Variants in LRRC37A2 observed in about 807,000 individuals in gnomAD.
LRRC37A2 encodes the protein leucine-rich repeat-containing protein 37A2.
Under a neutral mutation model 68.8 loss-of-function variants are expected in LRRC37A2, and 9 were observed. The observed-to-expected ratio is 0.13, with a 90% CI of 0.08 to 0.23. LRRC37A2 has a LOEUF of 0.23. LRRC37A2 is among the 10% of genes least tolerant of loss of function. The probability of loss-of-function intolerance (pLI) is 1.00; values close to 1 mark genes in which losing one functional copy is unlikely to be tolerated. For missense variants in LRRC37A2, 168 were observed against 950.4 expected (o/e 0.18, Z 10.82); for synonymous variants, 63 against 367.6 (o/e 0.17, Z 9.48).
At chr17:46,868,133 C>T in the LRRC37A2 span, among the ~76,000 whole-genome samples, 1 of 152,088 alleles carries the variant, frequency 6.6e-6, no homozygotes, top group Admixed American at 6.5e-5. Context: ...AGTGGTGGCC[C>T]CAGGAGGCTC....
At chr17:46,543,787 G>A (rs1317132767) in intron 8 of LRRC37A2, among the ~76,000 whole-genome samples, 1 of 150,780 alleles carries the variant, frequency 6.6e-6, no homozygotes, top group Non-Finnish European at 1.5e-5. Context: ...AGGCTTAAAG[G>A]AAAAAAAGAA....
At chr17:46,680,801 CGTA>C in the LRRC37A2 span, among the ~76,000 whole-genome samples, 2 of 57,206 alleles carry the variant, frequency 3.5e-5, no homozygotes, top group Non-Finnish European at 7.5e-5. Context: ...GGATTTAACA[CGTA>C]GTTCTCAGAG....
chr17:46,960,914 T>C, the LRRC37A2 span, among the ~76,000 whole-genome samples: 1 of 152,214 alleles, frequency 6.6e-6, no homozygotes, highest in Non-Finnish European at 1.5e-5. Flanking sequence ...GTGTTCATGA[T>C]GACACAACTC....
At chr17:46,897,528 A>C in the LRRC37A2 span, among the ~76,000 whole-genome samples, 21 of 152,302 alleles carry the variant, frequency 1.4e-4, no homozygotes, top group African/African-American at 5.1e-4. Context: ...CCATAGAGTC[A>C]CTGATGTGGA....
the LRRC37A2 span, among the ~76,000 whole-genome samples, chr17:46,735,695 A>G: frequency 6.6e-6 from 1 of 152,204 alleles, no homozygotes; most frequent in Admixed American, 6.5e-5. Flanking sequence ...CTGTAATCCC[A>G]GCACTTTGGG....
chr17:46,750,049 T>A, the LRRC37A2 span: 1 of 895,666 alleles, frequency 1.1e-6, no homozygotes, highest in Non-Finnish European at 1.6e-6. Context: ...TGTATATACC[T>A]TATCCAAAAT....
chr17:46,859,993 T>C, the LRRC37A2 span, among the ~76,000 whole-genome samples: 1 of 152,130 alleles, frequency 6.6e-6, no homozygotes, highest in African/African-American at 2.4e-5. Flanking sequence ...AGAAATTGAA[T>C]TGGGGCCTGA....
At chr17:46,979,162 G>A in the LRRC37A2 span, 1 of 809,832 alleles carries the variant, frequency 1.2e-6, no homozygotes, top group Non-Finnish European at 1.7e-6. Flanking sequence ...GCGCGCTCTC[G>A]GGCCGCCTAC....
the LRRC37A2 span, among the ~76,000 whole-genome samples, chr17:46,806,189 TTTTTTC>T: frequency 6.7e-6 from 1 of 148,654 alleles, no homozygotes. Flanking sequence ...TCTTTTTTTC[TTTTTTC>T]TTTTTCTTTT....
chr17:46,806,867 G>A, the LRRC37A2 span, among the ~76,000 whole-genome samples: 1 of 152,374 alleles, frequency 6.6e-6, no homozygotes, highest in African/African-American at 2.4e-5. Flanking sequence ...GCAGAGTGGG[G>A]CTTGGCCCTC....
At chr17:46,939,780 T>C in the LRRC37A2 span, 1 of 987,508 alleles carries the variant, frequency 1.0e-6, no homozygotes, top group Non-Finnish European at 1.2e-6. Context: ...ACCTTTTTCC[T>C]TCTGTGACCA....
chr17:46,813,030 C>T, the LRRC37A2 span, among the ~76,000 whole-genome samples: 1 of 152,098 alleles, frequency 6.6e-6, no homozygotes, highest in African/African-American at 2.4e-5. Flanking sequence ...GATGGCCTGG[C>T]TCCAGAAGAG....
At chr17:46,979,914 T>A in the LRRC37A2 span, among the ~76,000 whole-genome samples, 1 of 152,294 alleles carries the variant, frequency 6.6e-6, no homozygotes, top group Middle Eastern at 3.4e-3. Flanking sequence ...CACCTGGGTA[T>A]AAACTCCTCC....
chr17:46,777,430 G>A, the LRRC37A2 span, among the ~76,000 whole-genome samples: 1 of 152,316 alleles, frequency 6.6e-6, no homozygotes, highest in South Asian at 2.1e-4. Flanking sequence ...GTGGGTCTTC[G>A]CAGCCCAGCA....
At chr17:46,772,455 G>C in the LRRC37A2 span, among the ~76,000 whole-genome samples, 5 of 152,238 alleles carry the variant, frequency 3.3e-5, no homozygotes, top group Non-Finnish European at 7.3e-5. Flanking sequence ...ACGCAGGGTT[G>C]TTTGATTCAG....
chr17:46,754,419 A>G, the LRRC37A2 span, among the ~76,000 whole-genome samples: 1 of 152,158 alleles, frequency 6.6e-6, no homozygotes, highest in Non-Finnish European at 1.5e-5. Context: ...GAGCATTTGA[A>G]AGTTATTCCT....
At chr17:46,978,300 A>G in the LRRC37A2 span, 213 of 328,930 alleles carry the variant, frequency 6.5e-4, 5 homozygotes, top group South Asian at 0.011. Flanking sequence ...GCACCAACGT[A>G]CACACAAAAC....
chr17:46,558,623 T>G (rs1377904052), downstream of LRRC37A2, among the ~76,000 whole-genome samples: 7 of 123,886 alleles, frequency 5.7e-5, no homozygotes, highest in Non-Finnish European at 1.0e-4. Context: ...ACTCCTGACC[T>G]CAAGTGATCC....
the LRRC37A2 span, among the ~76,000 whole-genome samples, chr17:46,951,435 C>T: frequency 6.6e-6 from 1 of 152,320 alleles, no homozygotes; most frequent in African/African-American, 2.4e-5. Context: ...CCAGCTGCCG[C>T]GCCAGCCCAC....
Sources: allele counts gnomAD v4.1 joint callset (sites outside exome capture counted in the v4.1 genomes callset), GRCh38; gene constraint gnomAD v4.1.1; transcripts MANE v1.5; gene names NCBI Gene and HGNC (gene_info 2026-07-23, HGNC 2026-07-21).